UBB: variants seen among roughly 807,000 people sequenced by gnomAD.
UBB encodes ubiquitin B.
In UBB, 11 loss-of-function variants were observed where a neutral mutation model predicts 12.5. The observed-to-expected ratio is 0.88, with a 90% CI of 0.55 to 1.45. UBB has a LOEUF of 1.45. Ranked by LOEUF, UBB falls within the 40% of genes most tolerant of loss-of-function variation. The pLI is 0.00. For synonymous variants in UBB, 168 were observed against 120.1 expected (o/e 1.40, Z -2.61); for missense variants, 76 against 286.9 (o/e 0.26, Z 5.31).
At position 16,382,027 on chromosome 17, in the gene UBB, G is replaced by A. The variant is rs1370770781; in HGVS notation, c.120G>A (p.Gln40=). ...IQDKEGIPPD[Q]QRLIFAGKQL... is the part of the protein sequence containing the mutation. Reference sequence around the variant, plus strand: ...ATAAGGAAGGCATTCCCCCCGACCAGCAGAGGCTCATCTTTGCAGGCAAGC... The same window carrying A: ...ATAAGGAAGGCATTCCCCCCGACCAACAGAGGCTCATCTTTGCAGGCAAGC... The change falls in exon 2 of 2, where the codon CAG becomes CAA. Residue 40 remains glutamine, a synonymous_variant. Coordinates refer to ENST00000302182, the MANE Select transcript of UBB (RefSeq NM_018955.4). 9.9e-6 allele frequency: 16 copies of A among 1,612,772 alleles called. No individual in the cohort carries two copies. The highest frequency in any genetic ancestry group is 1.4e-5 in the Non-Finnish European group (16 of 1,179,562).
At chr17:16,381,521 C>G (rs1175623750) in intron 1 of UBB, 1 of 245,060 alleles carries the variant, frequency 4.1e-6, no homozygotes, top group Admixed American at 5.1e-5. Context: ...GAAAGGTGCC[C>G]CTTCTTGTGT....
rs574069006 is a variant in UBB, at chr17:16,381,925, A to G, written c.18A>G (p.Lys6=). The G allele has an allele frequency of 1.3e-4, 205 of 1,613,902 alleles. 2 individuals carry two copies. In the South Asian group the frequency reaches 1.9e-3, roughly 15 times the overall value. The change falls in exon 2 of 2, where the codon AAA becomes AAG. Residue 6 remains lysine, a synonymous_variant. Coordinates refer to ENST00000302182, the MANE Select transcript of UBB (RefSeq NM_018955.4). MQIFV[K]TLTGKTITLE... is the part of the protein sequence containing the mutation. The stretch of plus-strand genomic sequence containing the variant: ...AGGTCAAAATGCAGATCTTCGTGAA[A>G]ACCCTTACCGGCAAGACCATCACCC...
At chr17:16,381,689 C>T (rs922620519) in intron 1 of UBB, 6 of 668,236 alleles carry the variant, frequency 9.0e-6, no homozygotes, top group Middle Eastern at 4.2e-4. Flanking sequence ...GGTAAGAGAG[C>T]GCTCTGGATT....
rs1216968002 is a variant in UBB at position 16,381,727 on chromosome 17, T to C, written c.-6-175T>C. ...CCGCTGTTGACGTTGAAACCTTGAA[T>C]GACGAATTTCGTATTAAGTGACTTA... On this transcript the variant is annotated intron_variant, in intron 1 of 1. Transcript: ENST00000302182. The C allele has an allele frequency of 3.3e-6, 3 of 912,326 alleles. No individual in the cohort carries two copies. In the East Asian group the frequency reaches 8.0e-5, roughly 24 times the overall value. 56.5% of individuals were successfully genotyped at this position (912,326 alleles called of 1,614,324 possible).
chr17:16,382,348 G>A lies in UBB; in HGVS notation c.441G>A (p.Leu147=), dbSNP rs370468040. 180 of 1,604,540 alleles carry A rather than the reference G, an allele frequency of 1.1e-4. No homozygotes were observed. The highest frequency in any genetic ancestry group is 1.4e-4 in the Non-Finnish European group (170 of 1,177,596). Reference sequence around the variant, plus strand: ...AGGAGTCGACCCTGCACCTGGTCCTGCGTCTGAGAGGTGGTATGCAGATCT... The same window carrying A: ...AGGAGTCGACCCTGCACCTGGTCCTACGTCTGAGAGGTGGTATGCAGATCT... ...IQKESTLHLV[L]RLRGGMQIFV... Residue 147 remains leucine, a synonymous_variant, in exon 2 of 2, where the codon CTG becomes CTA. Coordinates refer to ENST00000302182, the MANE Select transcript of UBB (RefSeq NM_018955.4).
Position 16,381,934 on chromosome 17 carries a change from C to T in UBB, c.27C>T (p.Thr9=), listed in dbSNP as rs769822181. MQIFVKTL[T]GKTITLEVEP... ...TGCAGATCTTCGTGAAAACCCTTAC[C>T]GGCAAGACCATCACCCTTGAGGTGG... Residue 9 remains threonine (T), a synonymous_variant, in exon 2 of 2, where the codon ACC becomes ACT. Transcript: ENST00000302182. 2.2e-5 allele frequency: 35 copies of T among 1,614,068 alleles called. No individual in the cohort carries two copies. The Middle Eastern group carries it at 4.9e-4, about 23-fold the overall frequency.
rs767841359 is a variant in UBB, at chr17:16,382,658, G to T, written c.*61G>T. ...GCATTACTCTGCACTATAGCCATTT[G>T]CCCCAACTTAAGTTTAGAAATTACA... On this transcript the variant is annotated 3_prime_UTR_variant, in exon 2 of 2. Coordinates refer to ENST00000302182, the MANE Select transcript of UBB (RefSeq NM_018955.4). 7.6e-5 allele frequency: 121 copies of T among 1,584,952 alleles called. No homozygotes were observed. The highest frequency in any genetic ancestry group is 1.9e-4 in the Middle Eastern group (1 of 5,210).
rs373239807 is a variant in UBB, at chr17:16,382,036, C to T, written c.129C>T (p.Leu43=). ...KEGIPPDQQR[L]IFAGKQLEDG... ...GCATTCCCCCCGACCAGCAGAGGCT[C>T]ATCTTTGCAGGCAAGCAGCTGGAAG... The change falls in exon 2 of 2, where the codon CTC becomes CTT. Residue 43 remains leucine, a synonymous_variant. Coordinates refer to ENST00000302182, the MANE Select transcript of UBB (RefSeq NM_018955.4). 27 of 1,611,932 alleles carry T rather than the reference C, an allele frequency of 1.7e-5. No homozygotes were observed. Among genetic ancestry groups the T allele is most frequent in the African/African-American group, 1.3e-4 (10 of 74,392 alleles).
At chr17:16,381,631 G>C in intron 1 of UBB, 3 of 511,064 alleles carry the variant, frequency 5.9e-6, no homozygotes, top group Non-Finnish European at 1.0e-5. Context: ...GTTCGGTCGG[G>C]GGAGTTTGAA....
Position 16,381,991 on chromosome 17 carries a change from C to G in UBB, c.84C>G (p.Ala28=), listed in dbSNP as rs777386546. 1.9e-6 allele frequency: 3 copies of G among 1,613,216 alleles called. No individual in the cohort carries two copies. The East Asian group carries it at 6.7e-5, about 36-fold the overall frequency. Residue 28 remains alanine (A), a synonymous_variant, in exon 2 of 2, where the codon GCC becomes GCG. Coordinates refer to ENST00000302182, the MANE Select transcript of UBB (RefSeq NM_018955.4). ...GTGACACCATCGAAAATGTGAAGGC[C>G]AAGATCCAGGATAAGGAAGGCATTC... ...EPSDTIENVK[A]KIQDKEGIPP...
chr17:16,381,839 G>A, intron 1 of UBB, 63 bp from the exon 2 acceptor site: 3 of 1,561,008 alleles, frequency 1.9e-6, no homozygotes, highest in Non-Finnish European at 2.6e-6. Flanking sequence ...AAGAATATTA[G>A]GTGTAAAAGC....
At position 16,382,634 on chromosome 17, in the gene UBB, C is replaced by T. The variant is rs1206395723; in HGVS notation, c.*37C>T. ...TGGCATTCGCAGTGCCCAGTGATGGCATTACTCTGCACTATAGCCATTTGC... is the reference window on the plus strand; with the variant it reads ...TGGCATTCGCAGTGCCCAGTGATGGTATTACTCTGCACTATAGCCATTTGC... On this transcript the variant is annotated 3_prime_UTR_variant, in exon 2 of 2. Coordinates refer to ENST00000302182, the MANE Select transcript of UBB (RefSeq NM_018955.4). 6.2e-7 allele frequency: 1 copy of T among 1,610,442 alleles called. No homozygotes were observed. Among genetic ancestry groups the T allele is most frequent in the Non-Finnish European group, 8.5e-7 (1 of 1,178,070 alleles).
At chr17:16,381,863 AT>A (rs2093276695) in intron 1 of UBB, 38 bp from the exon 2 acceptor site, 1 of 1,607,238 alleles carries the variant, frequency 6.2e-7, no homozygotes, top group African/African-American at 1.3e-5. Context: ...AAATACAATG[AT>A]CCTGAGGTGA....
In UBB at chr17:16,382,676, A is replaced by C; in HGVS notation, c.*79A>C. 1 of 1,550,480 alleles carries C rather than the reference A, an allele frequency of 6.4e-7. No individual in the cohort carries two copies. Among genetic ancestry groups the C allele is most frequent in the South Asian group, 1.2e-5 (1 of 86,094 alleles). Reference sequence around the variant, plus strand: ...GCCATTTGCCCCAACTTAAGTTTAGAAATTACAAGTTTCAGTAATAGCTGA... The same window carrying C: ...GCCATTTGCCCCAACTTAAGTTTAGCAATTACAAGTTTCAGTAATAGCTGA... On this transcript the variant is annotated 3_prime_UTR_variant, in exon 2 of 2. Coordinates refer to ENST00000302182, the MANE Select transcript of UBB (RefSeq NM_018955.4).
Position 16,382,602 on chromosome 17 carries a change from T to A in UBB, c.*5T>A, listed in dbSNP as rs773639827. 7 of 1,613,922 alleles carry A rather than the reference T, an allele frequency of 4.3e-6. No individual in the cohort carries two copies. The highest frequency in any genetic ancestry group is 1.7e-5 in the Admixed American group (1 of 60,006). On this transcript the variant is annotated 3_prime_UTR_variant, in exon 2 of 2. Transcript: ENST00000302182. ...CGCCTGAGGGGTGGCTGTTAATTCT[T>A]CAGTCATGGCATTCGCAGTGCCCAG...
rs750481840 is a variant in UBB, at chr17:16,382,407, T to A, written c.500T>A (p.Leu167Gln). The change falls in exon 2 of 2, where the codon CTG becomes CAG. Residue 167 changes from leucine (L) to glutamine (Q), a missense_variant. Coordinates refer to ENST00000302182, the MANE Select transcript of UBB (RefSeq NM_018955.4). The stretch of plus-strand genomic sequence containing the variant: ...ACCCTGACCGGCAAGACCATCACTC[T>A]GGAGGTGGAGCCCAGTGACACCATC... ...VKTLTGKTIT[L>Q]EVEPSDTIEN... 2.0e-5 allele frequency: 33 copies of A among 1,609,880 alleles called. 1 individual carries two copies. The highest frequency in any genetic ancestry group is 4.2e-6 in the Non-Finnish European group (5 of 1,179,374).
At chr17:16,381,874 A>G (rs768675722) in intron 1 of UBB, 28 bp from the exon 2 acceptor site, 4 of 1,611,318 alleles carry the variant, frequency 2.5e-6, no homozygotes, top group Admixed American at 1.7e-5. Context: ...TCCTGAGGTG[A>G]CACGCTTATG....
chr17:16,381,224 GA>G (rs1164891216), intron 1 of UBB, 40 bp downstream of exon 1: 1 of 147,448 alleles, frequency 6.8e-6, no homozygotes, highest in Non-Finnish European at 1.5e-5. Flanking sequence ...GGGGGTGTGA[GA>G]GGGGGGAATG....
upstream of UBB, chr17:16,380,974 C>G (rs2093272599): frequency 1.3e-5 from 2 of 153,624 alleles, no homozygotes; most frequent in South Asian, 2.1e-4. Context: ...TAAACTGCCT[C>G]TCGGGAGGTT....
Sources: allele counts gnomAD v4.1 joint callset, GRCh38; gene constraint gnomAD v4.1.1; transcripts MANE v1.5; gene names NCBI Gene and HGNC (gene_info 2026-07-23, HGNC 2026-07-21).